The following ODF2L variants were observed in gnomAD, a reference collection of about 807,000 sequenced individuals.
ODF2L encodes the protein protein BCAP.
Under a neutral mutation model 86.3 loss-of-function variants are expected in ODF2L, and 76 were observed. The observed-to-expected ratio is 0.88, with a 90% CI of 0.73 to 1.07. The LOEUF (loss-of-function observed/expected upper bound fraction) is 1.07. ODF2L is among the 50% of genes least tolerant of loss of function. The probability of loss-of-function intolerance (pLI) is 0.00; values close to 1 mark genes in which losing one functional copy is unlikely to be tolerated. For synonymous variants in ODF2L, 241 were observed against 231.3 expected, an observed-to-expected ratio of 1.04 and a Z score of -0.38; for missense variants, 748 against 717.4, an observed-to-expected ratio of 1.04 and a Z score of -0.49.
intron 10 of ODF2L, among the ~76,000 whole-genome samples, chr1:86,370,121 A>C (rs1659695607): frequency 6.6e-6 from 1 of 152,082 alleles, no homozygotes; most frequent in African/African-American, 2.4e-5. Flanking sequence ...AACAAACCTT[A>C]AATCAAGAAA....
downstream of ODF2L, chr1:86,349,778 A>G (rs1658002383): frequency 6.6e-6 from 1 of 152,202 alleles, no homozygotes; most frequent in Non-Finnish European, 1.5e-5. Context: ...CCTTGGATTA[A>G]GCTGCTGAGG....
chr1:86,356,958 T>C (rs1194828533), intron 13 of ODF2L, among the ~76,000 whole-genome samples: 1 of 152,196 alleles, frequency 6.6e-6, no homozygotes, highest in African/African-American at 2.4e-5. Flanking sequence ...TGCCCAGCTA[T>C]AGGTTCTAAA....
intron 10 of ODF2L, among the ~76,000 whole-genome samples, chr1:86,370,387 A>G (rs1659710695): frequency 6.6e-6 from 1 of 152,150 alleles, no homozygotes; most frequent in South Asian, 2.1e-4. Flanking sequence ...ACTCTATGCT[A>G]CTAATATATT....
At chr1:86,348,795 A>C, downstream of ODF2L, 1 of 1,546,674 alleles carries the variant, frequency 6.5e-7, no homozygotes, top group Non-Finnish European at 8.7e-7. Flanking sequence ...ACTGTAAATA[A>C]TTCTTAATAC....
intron 7 of ODF2L, among the ~76,000 whole-genome samples, chr1:86,380,298 A>T (rs779181611): frequency 1.6e-4 from 24 of 152,174 alleles, no homozygotes; most frequent in Non-Finnish European, 2.9e-4. Context: ...TTGAAGAGTG[A>T]CTAAGTAAAC....
intron 2 of ODF2L, chr1:86,386,534 C>T (rs140723715): frequency 1.2e-4 from 20 of 162,664 alleles, no homozygotes; most frequent in South Asian, 8.1e-4. Flanking sequence ...AACAGGCACA[C>T]GCTACCACAT....
intron 1 of ODF2L, among the ~76,000 whole-genome samples, chr1:86,392,260 T>C (rs1661386426): frequency 6.6e-6 from 1 of 152,158 alleles, no homozygotes; most frequent in Non-Finnish European, 1.5e-5. Flanking sequence ...ACAACCGCTA[T>C]GGAAAACAGT....
chr1:86,354,120 A>G (rs1658351640), intron 16 of ODF2L, among the ~76,000 whole-genome samples: 1 of 152,204 alleles, frequency 6.6e-6, no homozygotes, highest in African/African-American at 2.4e-5. Context: ...ATGCTAACCT[A>G]ATGGATGTAA....
At chr1:86,359,142 A>G (rs1658814743) in intron 12 of ODF2L, among the ~76,000 whole-genome samples, 1 of 152,098 alleles carries the variant, frequency 6.6e-6, no homozygotes, top group African/African-American at 2.4e-5. Context: ...TGAAGACTAC[A>G]AAGATTTTCA....
intron 12 of ODF2L, among the ~76,000 whole-genome samples, chr1:86,359,493 C>CTAAGGGCCAAAG (rs1206956482): frequency 6.6e-5 from 10 of 151,832 alleles, no homozygotes; most frequent in African/African-American, 2.2e-4. Flanking sequence ...ACTTTGGCCC[C>CTAAGGGCCAAAG]CTTAAGCTTT....
intron 3 of ODF2L, 42 bp downstream of exon 3, chr1:86,385,416 A>G (rs1660876527): frequency 1.6e-6 from 2 of 1,264,120 alleles, no homozygotes; most frequent in East Asian, 4.8e-5. Context: ...TCTGAGTATT[A>G]TACTAGCTTT....
At chr1:86,378,086 C>T (rs1274907085) in intron 7 of ODF2L, among the ~76,000 whole-genome samples, 1 of 152,168 alleles carries the variant, frequency 6.6e-6, no homozygotes, top group Non-Finnish European at 1.5e-5. Flanking sequence ...CAGAATCAAC[C>T]AGGTCATATC....
downstream of ODF2L, chr1:86,348,672 G>T: frequency 8.5e-7 from 1 of 1,181,292 alleles, no homozygotes; most frequent in Non-Finnish European, 1.1e-6. Context: ...GTAACTGGTA[G>T]TATATTTATT....
chr1:86,395,461 C>G (rs919205402), intron 1 of ODF2L, among the ~76,000 whole-genome samples: 7 of 152,188 alleles, frequency 4.6e-5, no homozygotes, highest in African/African-American at 1.7e-4. Flanking sequence ...CAAGGCCACA[C>G]AGCGGGTTCA....
At chr1:86,366,905 GGA>G (rs963060616) in intron 11 of ODF2L, among the ~76,000 whole-genome samples, 20 of 151,978 alleles carry the variant, frequency 1.3e-4, no homozygotes, top group Non-Finnish European at 2.8e-4. Context: ...GAAAGGGGCA[GGA>G]GAGAGAGCAT....
chr1:86,382,955 A>G (rs755788568), exon 6 of ODF2L: 2 of 1,569,338 alleles, frequency 1.3e-6, no homozygotes, highest in South Asian at 1.1e-5. Context: ...ACAAACAAGA[A>G]AGTTCTTGGA....
At chr1:86,350,868 CAT>C (rs760150886) in exon 18 of ODF2L, 7 of 152,036 alleles carry the variant, frequency 4.6e-5, no homozygotes, top group African/African-American at 7.2e-5. Flanking sequence ...AGCTTTTTTT[CAT>C]ATGTTTTTTG....
chr1:86,370,636 G>T (rs1223602716), intron 10 of ODF2L, among the ~76,000 whole-genome samples: 1 of 152,004 alleles, frequency 6.6e-6, no homozygotes, highest in African/African-American at 2.4e-5. Context: ...TTACCCCTTG[G>T]ATATGAGTAA....
exon 16 of ODF2L, chr1:86,354,667 T>G (rs1188266458): frequency 1.2e-6 from 2 of 1,611,464 alleles, no homozygotes; most frequent in African/African-American, 1.3e-5. Flanking sequence ...AGCTCTTTAT[T>G]TTCTGCGTCC....
Sources: gnomAD v4.1 joint callset for allele counts (sites outside exome capture counted in the v4.1 genomes callset) on GRCh38, gnomAD v4.1.1 for gene constraint, MANE v1.5 for transcripts, NCBI Gene and HGNC (gene_info 2026-07-23, HGNC 2026-07-21) for gene names.